Variants in TENM1 observed in about 807,000 individuals in gnomAD.
TENM1 encodes the protein teneurin-1.
Under a neutral mutation model 174.8 loss-of-function variants are expected in TENM1, and 35 were observed. That is an observed-to-expected ratio of 0.20 (90% CI 0.15 to 0.27). TENM1 has a LOEUF of 0.27. Ranked by LOEUF, TENM1 falls within the 10% of genes least tolerant of loss-of-function variation. The pLI is 1.00. For missense variants in TENM1, 1,633 were observed against 2,130.1 expected, an observed-to-expected ratio of 0.77 and a Z score of 4.59; for synonymous variants, 781 against 798.7, an observed-to-expected ratio of 0.98 and a Z score of 0.37.
intron 1 of TENM1, among the ~76,000 whole-genome samples, chrX:124,960,477 C>T (rs1347800738): frequency 8.9e-6 from 1 of 112,132 alleles, no homozygotes; most frequent in Non-Finnish European, 1.9e-5. Context: ...TCTCCATCCT[C>T]AGCATTGGCT....
intron 11 of TENM1, among the ~76,000 whole-genome samples, chrX:124,608,138 G>C (rs1005553289): frequency 9.0e-6 from 1 of 111,358 alleles, no homozygotes; most frequent in Non-Finnish European, 1.9e-5. Flanking sequence ...TAACAGGTGC[G>C]CTGAGATTTT....
chrX:125,048,562 C>T, the TENM1 span, among the ~76,000 whole-genome samples: 3 of 111,254 alleles, frequency 2.7e-5, no homozygotes, highest in Admixed American at 9.6e-5. Context: ...ACCATAGAGA[C>T]AGATTGATGG....
chrX:125,185,565 C>T, the TENM1 span, among the ~76,000 whole-genome samples: 1 of 112,339 alleles, frequency 8.9e-6, no homozygotes, highest in Non-Finnish European at 1.9e-5. Context: ...ACTATATCAC[C>T]AAAACATTCC....
At chrX:124,689,981 G>A (rs953518210) in intron 5 of TENM1, among the ~76,000 whole-genome samples, 2 of 111,439 alleles carry the variant, frequency 1.8e-5, no homozygotes, top group Non-Finnish European at 3.8e-5. Context: ...AAGCAAAACT[G>A]TGGATAAGGC....
At chrX:125,186,907 C>T in the TENM1 span, among the ~76,000 whole-genome samples, 1 of 112,258 alleles carries the variant, frequency 8.9e-6, no homozygotes, top group Non-Finnish European at 1.9e-5. Context: ...AGATACACTT[C>T]TTCCTCTGAT....
chrX:125,021,763 A>G, the TENM1 span, among the ~76,000 whole-genome samples: 1 of 112,552 alleles, frequency 8.9e-6, no homozygotes, highest in African/African-American at 3.2e-5. Flanking sequence ...GGAATTTCAC[A>G]TAATTTTCAC....
intron 23 of TENM1, among the ~76,000 whole-genome samples, chrX:124,427,270 T>C (rs967887394): frequency 8.9e-6 from 1 of 112,315 alleles, no homozygotes; most frequent in Non-Finnish European, 1.9e-5. Flanking sequence ...TGTTTTTAGC[T>C]ATCAAGGCTG....
intron 8 of TENM1, among the ~76,000 whole-genome samples, chrX:124,650,434 G>A (rs1015066434): frequency 5.4e-5 from 6 of 110,882 alleles, no homozygotes; most frequent in Non-Finnish European, 7.5e-5. Flanking sequence ...ATATGTGGAT[G>A]ATATGAATTG....
chrX:124,611,141 A>G (rs1468696061), intron 11 of TENM1, among the ~76,000 whole-genome samples: 1 of 112,099 alleles, frequency 8.9e-6, no homozygotes, highest in Non-Finnish European at 1.9e-5. Context: ...TGTGCAATGC[A>G]GTTCAGAAGG....
chrX:124,505,857 C>G (rs894409550), intron 18 of TENM1, among the ~76,000 whole-genome samples: 33 of 111,389 alleles, frequency 3.0e-4, no homozygotes, highest in Non-Finnish European at 4.1e-4. Context: ...CCTTTTAATC[C>G]TTCTTTAGCA....
chrX:124,520,499 A>G lies in TENM1; in HGVS notation c.3301+18T>C, dbSNP rs1392435797. On this transcript the variant is annotated intron_variant, in intron 18 of 31. Coordinates refer to ENST00000422452, the Ensembl canonical transcript of TENM1. ...GTGCATGTAATACTGCTATTTACAT[A>G]TAATTAGTTCAACATACCCAAAGCC... is the stretch of plus-strand genomic sequence containing the variant. 2 of 1,185,204 alleles carry G rather than the reference A, an allele frequency of 1.7e-6. No homozygotes were observed. The highest frequency in any genetic ancestry group is 3.5e-5 in the African/African-American group (2 of 56,724).
At chrX:124,515,828 G>C (rs1216745716) in intron 18 of TENM1, among the ~76,000 whole-genome samples, 1 of 102,642 alleles carries the variant, frequency 9.7e-6, no homozygotes, top group African/African-American at 3.6e-5. Context: ...ATTCTTCCCA[G>C]AATTAGAAAA....
the TENM1 span, among the ~76,000 whole-genome samples, chrX:125,137,422 C>A: frequency 1.0e-5 from 1 of 99,066 alleles, no homozygotes; most frequent in African/African-American, 3.6e-5. Context: ...CAGCACAATA[C>A]TTTTTTTTTT....
chrX:125,007,393 C>T, the TENM1 span, among the ~76,000 whole-genome samples: 425 of 109,940 alleles, frequency 3.9e-3, 2 homozygotes, highest in African/African-American at 0.012. Context: ...GTAAAAAGAC[C>T]GAACCTACAA....
intron 11 of TENM1, among the ~76,000 whole-genome samples, chrX:124,607,935 T>C (rs915662765): frequency 1.8e-5 from 2 of 111,209 alleles, no homozygotes; most frequent in African/African-American, 6.5e-5. Flanking sequence ...GGACTAGATG[T>C]AGATATGCAA....
intron 3 of TENM1, among the ~76,000 whole-genome samples, chrX:124,823,488 C>CT (rs1177494898): frequency 9.0e-6 from 1 of 110,894 alleles, no homozygotes; most frequent in Non-Finnish European, 1.9e-5. Flanking sequence ...GTTTTTTTGT[C>CT]TTTGTGTTTT....
the TENM1 span, among the ~76,000 whole-genome samples, chrX:125,028,232 T>A: frequency 2.0e-4 from 23 of 112,220 alleles, no homozygotes; most frequent in Middle Eastern, 4.6e-3. Flanking sequence ...GATTTGTATT[T>A]TCATCCAATA....
chrX:124,527,885 T>C (rs1417739180), intron 16 of TENM1, among the ~76,000 whole-genome samples: 2 of 104,436 alleles, frequency 1.9e-5, no homozygotes, highest in Non-Finnish European at 3.9e-5. Context: ...CTCGATCTCC[T>C]GACCTCATGA....
exon 31 of TENM1, chrX:124,382,811 G>A (rs773407802): frequency 2.5e-6 from 3 of 1,189,616 alleles, no homozygotes; most frequent in South Asian, 3.8e-5. Context: ...AACTTCTGAT[G>A]TCTGTGAGAC....
Sources: allele counts gnomAD v4.1 joint callset (sites outside exome capture counted in the v4.1 genomes callset), GRCh38; gene constraint gnomAD v4.1.1; transcripts MANE v1.5; gene names NCBI Gene and HGNC (gene_info 2026-07-23, HGNC 2026-07-21).